The following SOS1 variants were observed in gnomAD, a reference collection of about 807,000 sequenced individuals.
SOS1 encodes son of sevenless homolog 1.
SOS1 carries 25 observed loss-of-function variants against 157.6 expected under a neutral mutation model. That is an observed-to-expected ratio of 0.16 (90% CI 0.12 to 0.22). The LOEUF (loss-of-function observed/expected upper bound fraction) is 0.22. Ranked by LOEUF, SOS1 falls within the 10% of genes least tolerant of loss-of-function variation. SOS1 has a pLI of 1.00. For missense variants in SOS1, 1,237 were observed against 1,599.1 expected, an observed-to-expected ratio of 0.77 and a Z score of 3.86; for synonymous variants, 528 against 534.0, an observed-to-expected ratio of 0.99 and a Z score of 0.16.
At chr2:39,095,296 A>G (rs1474036467) in intron 1 of SOS1, among the ~76,000 whole-genome samples, 1 of 152,220 alleles carries the variant, frequency 6.6e-6, no homozygotes, top group African/African-American at 2.4e-5. Flanking sequence ...CAGACTCCTG[A>G]GAATATCTAG....
intron 20 of SOS1, chr2:38,992,503 T>G (rs530916792): frequency 6.6e-6 from 1 of 152,352 alleles, no homozygotes; most frequent in South Asian, 2.1e-4. Context: ...TATAACTGTT[T>G]ATAACAAAGC....
At chr2:39,116,788 C>G (rs1246246368) in intron 1 of SOS1, among the ~76,000 whole-genome samples, 1 of 152,128 alleles carries the variant, frequency 6.6e-6, no homozygotes, top group African/African-American at 2.4e-5. Flanking sequence ...GAGGTGGAGG[C>G]TGCAGTGAGC....
At chr2:39,032,140 T>A (rs1403144595) in intron 8 of SOS1, among the ~76,000 whole-genome samples, 1 of 152,190 alleles carries the variant, frequency 6.6e-6, no homozygotes, top group African/African-American at 2.4e-5. Flanking sequence ...TTTTTCGTGG[T>A]GAGAACACAA....
intron 2 of SOS1, 89 bp downstream of exon 2, chr2:39,067,539 A>C: frequency 8.6e-7 from 1 of 1,168,702 alleles, no homozygotes; most frequent in Non-Finnish European, 1.3e-6. Flanking sequence ...CCATATATAT[A>C]GAGAGAGCAA....
chr2:39,061,367 AAC>A (rs1671396765), intron 2 of SOS1, among the ~76,000 whole-genome samples: 1 of 152,046 alleles, frequency 6.6e-6, no homozygotes, highest in African/African-American at 2.4e-5. Flanking sequence ...TTCTTTCACA[AAC>A]ACTTTATATT....
chr2:39,122,437 A>G (rs1673922008), upstream of SOS1, among the ~76,000 whole-genome samples: 1 of 81,200 alleles, frequency 1.2e-5, no homozygotes, highest in Non-Finnish European at 2.4e-5. Context: ...TTTCAATTCA[A>G]AAAAAAATAT....
chr2:39,077,918 C>T (rs1227041752), intron 1 of SOS1, among the ~76,000 whole-genome samples: 2 of 152,022 alleles, frequency 1.3e-5, no homozygotes, highest in Non-Finnish European at 2.9e-5. Flanking sequence ...TAGAAAGACA[C>T]AAGAAGTATA....
At position 39,022,899 on chromosome 2, in the gene SOS1, T is replaced by C; in HGVS notation, c.1529A>G (p.Tyr510Cys). Residue 510 changes from tyrosine to cysteine, a missense_variant, in exon 10 of 23, where the codon TAC (tyrosine) becomes TGC (cysteine). Around this residue, in one of 15 missense-constraint regions of SOS1, gnomAD observed 210 missense variants for 220.2 expected, o/e 0.95. Coordinates refer to ENST00000402219, the MANE Select transcript of SOS1 (RefSeq NM_005633.4). ...TAAAATTATTTCAAAAGCATGCTTG[T>C]ATTCATTGGTGTCATCTTTATCATT... ...QINDKDDTNEYKHAFEIILKD... is the reference protein window; with the variant it reads ...QINDKDDTNECKHAFEIILKD... The C allele has an allele frequency of 6.2e-7, 1 of 1,611,418 alleles. No individual in the cohort carries two copies. The highest frequency in any genetic ancestry group is 2.2e-5 in the East Asian group (1 of 44,850).
At chr2:39,028,161 A>T in intron 8 of SOS1, among the ~76,000 whole-genome samples, 1 of 152,216 alleles carries the variant, frequency 6.6e-6, no homozygotes, top group South Asian at 2.1e-4. Flanking sequence ...TGAGATGATA[A>T]AATTTAACTT....
chr2:38,986,889 G>T lies in SOS1; in HGVS notation c.3511-574C>A, dbSNP rs144053080. 1.5e-3 allele frequency among the ~76,000 whole-genome samples: 224 copies of T among 152,220 alleles called. 1 individual carries two copies. The highest frequency in any genetic ancestry group is 0.011 in the East Asian group (59 of 5,180). On this transcript the variant is annotated intron_variant, in intron 22 of 22. Coordinates refer to ENST00000402219, the MANE Select transcript of SOS1 (RefSeq NM_005633.4). ...ACATTCATGAAGTTCTACAAAGAGT[G>T]TCTTGTCTTGACTTATCCTGGTGCT... is the stretch of plus-strand genomic sequence containing the variant.
intron 1 of SOS1, among the ~76,000 whole-genome samples, chr2:39,079,442 G>C (rs1483868327): frequency 6.7e-6 from 1 of 149,322 alleles, no homozygotes; most frequent in African/African-American, 2.5e-5. Context: ...AGGGAAAGAA[G>C]ATGTAATCAG....
intron 1 of SOS1, among the ~76,000 whole-genome samples, chr2:39,071,702 T>C (rs1222820398): frequency 6.6e-6 from 1 of 152,216 alleles, no homozygotes. Context: ...ATTAAGTTTT[T>C]TTTGTAAAGT....
intron 1 of SOS1, among the ~76,000 whole-genome samples, chr2:39,090,670 T>C (rs1672559835): frequency 6.6e-6 from 1 of 152,082 alleles, no homozygotes; most frequent in South Asian, 2.1e-4. Context: ...CACTCCAGCC[T>C]GAGCGACAGA....
At chr2:39,028,697 G>C (rs1670055441) in intron 8 of SOS1, among the ~76,000 whole-genome samples, 1 of 152,096 alleles carries the variant, frequency 6.6e-6, no homozygotes, top group African/African-American at 2.4e-5. Context: ...CATAGAACAG[G>C]TAAATTGCAA....
In SOS1 at chr2:39,037,300, T is replaced by C. The variant is rs527348549; in HGVS notation, c.865-1800A>G. Among the ~76,000 whole-genome samples the C allele has an allele frequency of 3.3e-5, 5 of 152,344 alleles. No homozygotes were observed. The South Asian group carries it at 8.3e-4, about 25-fold the overall frequency. On this transcript the variant is annotated intron_variant, in intron 6 of 22. Coordinates refer to ENST00000402219, the MANE Select transcript of SOS1 (RefSeq NM_005633.4). ...GACTAAAAATGTGAAGAGATGCTTATAGCTTAGGTCTCTTCCAATTCAGAA... is the reference window on the plus strand; with the variant it reads ...GACTAAAAATGTGAAGAGATGCTTACAGCTTAGGTCTCTTCCAATTCAGAA...
chr2:39,120,799 A>G lies in SOS1; in HGVS notation c.-377T>C, dbSNP rs1298386224. The stretch of plus-strand genomic sequence containing the variant: ...CGGGCCCGGTCTGGCCCCGCGGCGG[A>G]GCTGGCGGCTGGGGGAGGACGTGTG... On this transcript the variant is annotated 5_prime_UTR_variant, in exon 1 of 23. Transcript: ENST00000402219. Among the ~76,000 whole-genome samples, 1 of 148,258 alleles carries G rather than the reference A, an allele frequency of 6.7e-6. No homozygotes were observed. Among genetic ancestry groups the G allele is most frequent in the East Asian group, 2.0e-4 (1 of 4,972 alleles).
chr2:39,111,945 G>A lies in SOS1; in HGVS notation c.87+8391C>T, dbSNP rs555570960. Among the ~76,000 whole-genome samples the A allele has an allele frequency of 5.9e-5, 9 of 152,156 alleles. No homozygotes were observed. The South Asian group carries it at 1.9e-3, about 32-fold the overall frequency. ...AGGTTTTGCCATGTTGGCCAGGCTG[G>A]TCTTGAACTCCTGAGCTCAAGTGAT... is the stretch of plus-strand genomic sequence containing the variant. On this transcript the variant is annotated intron_variant, in intron 1 of 22. Coordinates refer to ENST00000402219, the MANE Select transcript of SOS1 (RefSeq NM_005633.4).
At chr2:39,053,967 G>A (rs1443649209) in intron 5 of SOS1, among the ~76,000 whole-genome samples, 1 of 149,898 alleles carries the variant, frequency 6.7e-6, no homozygotes, top group Non-Finnish European at 1.5e-5. Context: ...TCGCTCTGTC[G>A]CCCAGGCTGG....
At chr2:38,989,155 C>A in intron 21 of SOS1, 115 bp downstream of exon 21, 1 of 733,524 alleles carries the variant, frequency 1.4e-6, no homozygotes. Context: ...TAGGATGTTG[C>A]AAGCAAGGTA....
Sources: gnomAD v4.1 joint callset for allele counts (sites outside exome capture counted in the v4.1 genomes callset) on GRCh38, gnomAD v4.1.1 for gene constraint, gnomAD v4.1.1 regional missense constraint, MANE v1.5 for transcripts, NCBI Gene and HGNC (gene_info 2026-07-23, HGNC 2026-07-21) for gene names.